The following CHFR variants were observed in gnomAD, a reference collection of about 807,000 sequenced individuals.
CHFR encodes the protein checkpoint with forkhead and ring finger domains.
A neutral mutation model predicts 87.6 loss-of-function variants in CHFR; 57 were observed. The observed-to-expected ratio is 0.65, with a 90% CI of 0.53 to 0.81. CHFR has a LOEUF of 0.81. Among genes scored for constraint, CHFR ranks in the 30% least tolerant of loss-of-function variants. The probability of loss-of-function intolerance (pLI) is 0.00; values close to 1 mark genes in which losing one functional copy is unlikely to be tolerated. For missense variants in CHFR, 797 were observed against 865.8 expected (o/e 0.92, Z 1.00); for synonymous variants, 381 against 359.2 (o/e 1.06, Z -0.69).
Position 132,839,970 on chromosome 12 carries a change from TC to T in CHFR, c.*1583del, listed in dbSNP as rs1382041557. 1 of 110,656 alleles carries T rather than the reference TC, an allele frequency of 9.0e-6. No homozygotes were observed. Among genetic ancestry groups the T allele is most frequent in the Non-Finnish European group, 1.8e-5 (1 of 55,866 alleles). The allele number at this position is 110,656 out of a possible 1,614,324, so 6.9% of individuals were successfully genotyped here. On this transcript the variant is annotated 3_prime_UTR_variant, in exon 18 of 18. Transcript: ENST00000450056. ...TAACTCGGGACCTCCCTGCTCAGCC[TC>T]GCCCCTGCACTAACTCAGAACCTCC...
chr12:132,841,784 CTTT>C (rs1452794676), intron 17 of CHFR, among the ~76,000 whole-genome samples, 188 bp from the exon 18 acceptor site: 4 of 152,160 alleles, frequency 2.6e-5, no homozygotes, highest in Admixed American at 1.3e-4. Context: ...AGGTAAACTT[CTTT>C]ATCCCTTTAA....
chr12:132,887,521 G>T, intron 1 of CHFR, 26 bp downstream of exon 1: 1 of 196,286 alleles, frequency 5.1e-6, no homozygotes, highest in Non-Finnish European at 9.2e-6. Flanking sequence ...GCCGCCCGCC[G>T]CAGCCCCCTC....
chr12:132,859,773 G>A (rs1041185681), intron 7 of CHFR, among the ~76,000 whole-genome samples: 3 of 152,116 alleles, frequency 2.0e-5, no homozygotes, highest in African/African-American at 7.2e-5. Flanking sequence ...CAGGTGCAAT[G>A]GCTCACAACT....
At chr12:132,859,042 T>C in intron 8 of CHFR, 26 bp downstream of exon 8, 1 of 1,602,226 alleles carries the variant, frequency 6.2e-7, no homozygotes, top group Non-Finnish European at 8.5e-7. Context: ...CCATGTTCCG[T>C]GAGCCAAGGG....
At chr12:132,863,536 C>A (rs926634957) in intron 6 of CHFR, among the ~76,000 whole-genome samples, 12 of 150,562 alleles carry the variant, frequency 8.0e-5, no homozygotes, top group African/African-American at 1.7e-4. Context: ...AACAAACAAA[C>A]AAAAAAAAAC....
At chr12:132,842,218 G>A (rs1333552894) in intron 17 of CHFR, among the ~76,000 whole-genome samples, 4 of 152,086 alleles carry the variant, frequency 2.6e-5, no homozygotes, top group African/African-American at 9.7e-5. Flanking sequence ...TGACAGGGCT[G>A]AGGCAGACAC....
At chr12:132,851,569 CT>C in intron 12 of CHFR, 48 bp downstream of exon 12, 1 of 1,552,368 alleles carries the variant, frequency 6.4e-7, no homozygotes, top group Non-Finnish European at 8.7e-7. Flanking sequence ...AACCTGACCC[CT>C]GAAGGACAGA....
In CHFR at chr12:132,837,581, A is replaced by T. The variant is rs1254896841; in HGVS notation, c.*3973T>A. ...CTGAGCACTCATCACCTTTGTTTTC[A>T]GTGTAACTCAATTCTAAGTGTAGAG... On this transcript the variant is annotated 3_prime_UTR_variant, in exon 18 of 18. Transcript: ENST00000450056. 6.6e-6 allele frequency: 1 copy of T among 152,402 alleles called. No homozygotes were observed. The highest frequency in any genetic ancestry group is 1.5e-5 in the Non-Finnish European group (1 of 68,174). 9.4% of individuals were successfully genotyped at this position (152,402 alleles called of 1,614,324 possible).
At chr12:132,846,841 CTGCACTCCAGTCT>C in intron 15 of CHFR, among the ~76,000 whole-genome samples, 189 bp downstream of exon 15, 1 of 152,300 alleles carries the variant, frequency 6.6e-6, no homozygotes, top group Admixed American at 6.5e-5. Flanking sequence ...GATCATGCCA[CTGCACTCCAGTCT>C]GGGCAACAAG....
intron 15 of CHFR, among the ~76,000 whole-genome samples, 199 bp downstream of exon 15, chr12:132,846,844 C>T (rs552218636): frequency 2.6e-4 from 40 of 152,278 alleles, no homozygotes; most frequent in African/African-American, 9.4e-4. Flanking sequence ...CATGCCACTG[C>T]ACTCCAGTCT....
intron 6 of CHFR, among the ~76,000 whole-genome samples, chr12:132,864,285 C>T (rs1005242050): frequency 1.3e-5 from 2 of 152,104 alleles, no homozygotes; most frequent in African/African-American, 2.4e-5. Flanking sequence ...GCCTGTGGGC[C>T]GGCCCCCAGC....
intron 14 of CHFR, chr12:132,847,462 A>G: frequency 9.0e-7 from 1 of 1,113,306 alleles, no homozygotes; most frequent in Non-Finnish European, 1.1e-6. Flanking sequence ...AGGCTGTTGC[A>G]CAAGAAAAGC....
At chr12:132,865,016 C>T (rs1444640101) in intron 6 of CHFR, among the ~76,000 whole-genome samples, 2 of 152,204 alleles carry the variant, frequency 1.3e-5, no homozygotes, top group African/African-American at 2.4e-5. Context: ...ACAAAATGCA[C>T]ATGGGACTTG....
At chr12:132,862,503 C>T in intron 6 of CHFR, 1 of 412,860 alleles carries the variant, frequency 2.4e-6, no homozygotes. Flanking sequence ...ACTCAGGAGG[C>T]TGAGGTGAGT....
chr12:132,887,330 G>C lies in CHFR; in HGVS notation c.-2C>G, dbSNP rs745782659. The C allele has an allele frequency of 1.4e-6, 2 of 1,461,304 alleles. No individual in the cohort carries two copies. The highest frequency in any genetic ancestry group is 1.8e-6 in the Non-Finnish European group (2 of 1,112,534). The allele number at this position is 1,461,304 out of a possible 1,614,324, so 90.5% of individuals were successfully genotyped here. A position where few individuals can be genotyped will look rare whatever the true frequency, so the allele number is the denominator to read the frequency against. The stretch of plus-strand genomic sequence containing the variant: ...CTTGCCTTCCTCGGGCCGCTCCATC[G>C]GGATTCACATCTGCGGAGACCCCGG... On this transcript the variant is annotated 5_prime_UTR_variant, in exon 2 of 18. Transcript: ENST00000450056.
chr12:132,851,023 C>T (rs567446909), intron 12 of CHFR, among the ~76,000 whole-genome samples: 3 of 149,956 alleles, frequency 2.0e-5, no homozygotes, highest in South Asian at 4.2e-4. Flanking sequence ...CAGGATTTCC[C>T]TCTGTCGCCA....
chr12:132,874,291 C>A (rs558707066), intron 3 of CHFR, among the ~76,000 whole-genome samples: 5 of 152,254 alleles, frequency 3.3e-5, no homozygotes, highest in Admixed American at 2.0e-4. Context: ...CTGAAGCAGG[C>A]GGGACGGCCC....
At chr12:132,847,549 G>A (rs1282509145) in intron 14 of CHFR, 1 of 1,074,086 alleles carries the variant, frequency 9.3e-7, no homozygotes, top group East Asian at 7.2e-5. Context: ...CATCAAAGCA[G>A]AGTGTGGGGC....
At position 132,836,614 on chromosome 12, in the gene CHFR, A is replaced by G. The variant is rs747759933; in HGVS notation, c.*4940T>C. On this transcript the variant is annotated 3_prime_UTR_variant, in exon 18 of 18. Coordinates refer to ENST00000450056, the MANE Select transcript of CHFR (RefSeq NM_001161346.2). ...TCACTCCTGGTCTGACTGGCCTTCA[A>G]CATTCTCTCCTGAGTCCATTCCTTC... 428 of 455,662 alleles carry G rather than the reference A, an allele frequency of 9.4e-4. 1 individual carries two copies. The highest frequency in any genetic ancestry group is 1.4e-3 in the Non-Finnish European group (321 of 226,678). The allele number at this position is 455,662 out of a possible 1,614,324, so 28.2% of individuals were successfully genotyped here.
Sources: allele counts gnomAD v4.1 joint callset (sites outside exome capture counted in the v4.1 genomes callset), GRCh38; gene constraint gnomAD v4.1.1; transcripts MANE v1.5; gene names NCBI Gene and HGNC (gene_info 2026-07-23, HGNC 2026-07-21).